KCNMB2: variants seen among roughly 807,000 people sequenced by gnomAD.
KCNMB2 encodes calcium-activated potassium channel subunit beta-2.
A neutral mutation model predicts 24.5 loss-of-function variants in KCNMB2; 9 were observed. The ratio of observed to expected loss-of-function variants is 0.37; its 90% CI spans 0.22 to 0.64. KCNMB2 has a LOEUF of 0.64. Ranked by LOEUF, KCNMB2 falls within the 30% of genes least tolerant of loss-of-function variation. The pLI, the probability that KCNMB2 is intolerant of heterozygous loss-of-function variation, is 0.63. For synonymous variants in KCNMB2, 109 were observed against 104.4 expected (o/e 1.04, Z -0.27); for missense variants, 226 against 284.3 (o/e 0.79, Z 1.47).
intron 1 of KCNMB2, among the ~76,000 whole-genome samples, chr3:178,765,728 T>C (rs1253818600): frequency 6.6e-6 from 1 of 151,614 alleles, no homozygotes; most frequent in Non-Finnish European, 1.5e-5. Flanking sequence ...TCTGGTTTTG[T>C]ACAAGACAAT....
chr3:178,786,047 GT>G (rs1311782965), intron 1 of KCNMB2, among the ~76,000 whole-genome samples: 1 of 152,102 alleles, frequency 6.6e-6, no homozygotes, highest in Admixed American at 6.6e-5. Flanking sequence ...TATCTCCAGA[GT>G]TTCTTACCAC....
chr3:178,614,455 A>T (rs1030318913), intron 1 of KCNMB2, among the ~76,000 whole-genome samples: 3 of 150,742 alleles, frequency 2.0e-5, no homozygotes, highest in African/African-American at 7.3e-5. Context: ...ACAAGAGAAT[A>T]GGACTTGTGC....
intron 1 of KCNMB2, among the ~76,000 whole-genome samples, chr3:178,692,847 C>T (rs1373977627): frequency 6.6e-6 from 1 of 152,118 alleles, no homozygotes; most frequent in African/African-American, 2.4e-5. Context: ...GGCACTATGG[C>T]CATTTTAATG....
chr3:178,786,665 C>T (rs1396147427), intron 1 of KCNMB2, among the ~76,000 whole-genome samples: 4 of 151,870 alleles, frequency 2.6e-5, no homozygotes, highest in African/African-American at 9.7e-5. Flanking sequence ...TGCAGCACAC[C>T]AACATGGCAC....
Position 178,843,201 on chromosome 3 carries a change from G to A in KCNMB2, c.*264G>A, listed in dbSNP as rs762022056. Reference sequence around the variant, plus strand: ...AACTAGTACTTTCTTCTCTCATTCCGCCAAAACAGGGCTCAGTTATTCATT... The same window carrying A: ...AACTAGTACTTTCTTCTCTCATTCCACCAAAACAGGGCTCAGTTATTCATT... On this transcript the variant is annotated 3_prime_UTR_variant, in exon 5 of 5. Transcript: ENST00000452583. 47 of 541,928 alleles carry A rather than the reference G, an allele frequency of 8.7e-5. No individual in the cohort carries two copies. Among genetic ancestry groups the A allele is most frequent in the Admixed American group, 2.2e-4 (10 of 45,070 alleles). 33.6% of individuals were successfully genotyped at this position (541,928 alleles called of 1,614,324 possible).
intron 1 of KCNMB2, among the ~76,000 whole-genome samples, chr3:178,712,195 T>C (rs1722474621): frequency 6.6e-6 from 1 of 152,144 alleles, no homozygotes; most frequent in Non-Finnish European, 1.5e-5. Context: ...CAACAGAAAA[T>C]AACAAGAGTA....
intron 1 of KCNMB2, among the ~76,000 whole-genome samples, chr3:178,538,038 A>G (rs1004088848): frequency 9.9e-5 from 15 of 152,240 alleles, no homozygotes; most frequent in Non-Finnish European, 1.5e-4. Flanking sequence ...AATTAAGGAT[A>G]AATAGGGCTT....
At chr3:178,728,954 G>C (rs1220382592) in intron 1 of KCNMB2, among the ~76,000 whole-genome samples, 2 of 152,116 alleles carry the variant, frequency 1.3e-5, no homozygotes, top group Non-Finnish European at 2.9e-5. Context: ...TTGGTAAGTT[G>C]ATACATAGCT....
chr3:178,727,935 T>C (rs1723016296), intron 1 of KCNMB2, among the ~76,000 whole-genome samples: 1 of 152,244 alleles, frequency 6.6e-6, no homozygotes, highest in African/African-American at 2.4e-5. Context: ...ATTCCACACA[T>C]ACTGCTAACA....
intron 1 of KCNMB2, among the ~76,000 whole-genome samples, chr3:178,674,394 C>T (rs1721004224): frequency 6.6e-6 from 1 of 152,172 alleles, no homozygotes; most frequent in Non-Finnish European, 1.5e-5. Context: ...AAGCCTATTT[C>T]ACCTACACTC....
At chr3:178,791,350 CAG>C (rs1461071530) in intron 1 of KCNMB2, among the ~76,000 whole-genome samples, 1 of 152,172 alleles carries the variant, frequency 6.6e-6, no homozygotes, top group African/African-American at 2.4e-5. Context: ...AAGAATGTAT[CAG>C]AGTCTTCCAA....
chr3:178,574,088 T>C (rs1169876819), intron 1 of KCNMB2, among the ~76,000 whole-genome samples: 4 of 152,190 alleles, frequency 2.6e-5, no homozygotes, highest in Admixed American at 2.6e-4. Context: ...GCCAAACATG[T>C]GGCACTCTAA....
intron 2 of KCNMB2, among the ~76,000 whole-genome samples, chr3:178,811,053 G>A (rs926174146): frequency 1.3e-5 from 2 of 151,906 alleles, no homozygotes; most frequent in South Asian, 2.1e-4. Flanking sequence ...CACCCGGCCC[G>A]ATCCCTAAAT....
chr3:178,805,724 G>A (rs1211789680), intron 1 of KCNMB2, among the ~76,000 whole-genome samples: 1 of 151,992 alleles, frequency 6.6e-6, no homozygotes, highest in Non-Finnish European at 1.5e-5. Context: ...GGTACTCCCA[G>A]GCTAAAGCTA....
intron 1 of KCNMB2, among the ~76,000 whole-genome samples, chr3:178,700,462 G>A (rs1024469204): frequency 6.6e-6 from 1 of 152,176 alleles, no homozygotes; most frequent in Non-Finnish European, 1.5e-5. Flanking sequence ...CTGGACCACT[G>A]GAACTTAGAT....
At chr3:178,810,439 T>A (rs931724696) in intron 2 of KCNMB2, among the ~76,000 whole-genome samples, 12 of 152,158 alleles carry the variant, frequency 7.9e-5, no homozygotes, top group African/African-American at 2.9e-4. Context: ...CTGGGATTCC[T>A]CAAATCGTAG....
chr3:178,799,000 C>A (rs530141543), intron 1 of KCNMB2, among the ~76,000 whole-genome samples: 1 of 150,984 alleles, frequency 6.6e-6, no homozygotes, highest in African/African-American at 2.4e-5. Context: ...AAAAAACTCT[C>A]AACAAACTAG....
chr3:178,542,433 A>T (rs1434601980), intron 1 of KCNMB2, among the ~76,000 whole-genome samples: 1 of 152,200 alleles, frequency 6.6e-6, no homozygotes, highest in African/African-American at 2.4e-5. Context: ...TTTAATCTTC[A>T]CAGCATACCT....
At chr3:178,715,071 T>G (rs1194230871) in intron 1 of KCNMB2, among the ~76,000 whole-genome samples, 2 of 152,238 alleles carry the variant, frequency 1.3e-5, no homozygotes, top group African/African-American at 4.8e-5. Flanking sequence ...TCCAGCCTAC[T>G]TTTTCTGTTT....
Sources: gnomAD v4.1 joint callset for allele counts (sites outside exome capture counted in the v4.1 genomes callset) on GRCh38, gnomAD v4.1.1 for gene constraint, MANE v1.5 for transcripts, NCBI Gene and HGNC (gene_info 2026-07-23, HGNC 2026-07-21) for gene names.